Variants in EIF5B observed in about 807,000 individuals in gnomAD.
EIF5B encodes the protein eukaryotic translation initiation factor 5B, also known as eIF-5B.
In EIF5B, 47 loss-of-function variants were observed where a neutral mutation model predicts 147.5. The observed-to-expected ratio is 0.32, with a 90% CI of 0.25 to 0.41. The LOEUF is 0.41. Ranked by LOEUF, EIF5B falls within the 10% of genes least tolerant of loss-of-function variation. The pLI is 1.00. For synonymous variants in EIF5B, 455 were observed against 456.2 expected, an observed-to-expected ratio of 1.00 and a Z score of 0.03; for missense variants, 1,064 against 1,413.2, an observed-to-expected ratio of 0.75 and a Z score of 3.96.
chr2:99,387,237 A>G (rs970879239), intron 14 of EIF5B, among the ~76,000 whole-genome samples: 5 of 152,112 alleles, frequency 3.3e-5, no homozygotes, highest in Non-Finnish European at 5.9e-5. Flanking sequence ...TTTGTGTTCT[A>G]TGTAAGTAAT....
rs1674199927 is a variant in EIF5B, at chr2:99,360,997, CT to C, written c.247-149del. 3.4e-6 allele frequency: 3 copies of C among 874,384 alleles called. No individual in the cohort carries two copies. The South Asian group carries it at 7.9e-5, about 23-fold the overall frequency. The allele number at this position is 874,384 out of a possible 1,614,324, so 54.2% of individuals were successfully genotyped here. On this transcript the variant is annotated intron_variant, in intron 3 of 23. Transcript: ENST00000289371. ...CTGAGGCCAAGGCCAACCTCTCTTGCTTGTTTGAATTTTATATTCCTGTGAA... is the reference window on the plus strand; with the variant it reads ...CTGAGGCCAAGGCCAACCTCTCTTGCTGTTTGAATTTTATATTCCTGTGAA...
intron 14 of EIF5B, among the ~76,000 whole-genome samples, chr2:99,386,495 G>A (rs898429032): frequency 1.8e-4 from 21 of 113,704 alleles, no homozygotes; most frequent in Non-Finnish European, 3.0e-4. Context: ...GTGTGTGTGT[G>A]TGTGTGTGTT....
Position 99,361,088 on chromosome 2 carries a change from A to G in EIF5B, c.247-60A>G. 5 of 1,342,626 alleles carry G rather than the reference A, an allele frequency of 3.7e-6. No individual in the cohort carries two copies. In the East Asian group the frequency reaches 1.3e-4, roughly 34 times the overall value. 83.2% of individuals were successfully genotyped at this position (1,342,626 alleles called of 1,614,324 possible). A position where few individuals can be genotyped will look rare whatever the true frequency, so the allele number is the denominator to read the frequency against. The stretch of plus-strand genomic sequence containing the variant: ...TTAAAAAATGTTTACTTAATGAAGC[A>G]CATGACTCTGGTCTCAATTATAATT... On this transcript the variant is annotated intron_variant, in intron 3 of 23. Transcript: ENST00000289371.
chr2:99,383,600 C>G (rs1026164031), intron 14 of EIF5B, among the ~76,000 whole-genome samples: 3 of 152,120 alleles, frequency 2.0e-5, no homozygotes, highest in Non-Finnish European at 4.4e-5. Flanking sequence ...AAGTTTGAAA[C>G]CAGTAGAGGT....
At chr2:99,385,477 C>A (rs929778428) in intron 14 of EIF5B, among the ~76,000 whole-genome samples, 1 of 152,184 alleles carries the variant, frequency 6.6e-6, no homozygotes, top group Admixed American at 6.5e-5. Flanking sequence ...CCATCAACAT[C>A]GAGGCAAGAC....
intron 21 of EIF5B, among the ~76,000 whole-genome samples, chr2:99,395,209 A>T (rs116321399): frequency 0.013 from 1,961 of 152,332 alleles, 43 homozygotes; most frequent in African/African-American, 0.045. Flanking sequence ...GAGTGAGGAA[A>T]ACCGGGAAAT....
chr2:99,387,458 A>G lies in EIF5B; in HGVS notation c.2272-2260A>G, dbSNP rs185388408. On this transcript the variant is annotated intron_variant, in intron 14 of 23. Transcript: ENST00000289371. ...TGGAATTAGTTTGGAATCTTTGTCAATAATTAATTGACCATATATGTCTGT... is the reference window on the plus strand; with the variant it reads ...TGGAATTAGTTTGGAATCTTTGTCAGTAATTAATTGACCATATATGTCTGT... 7.7e-4 allele frequency among the ~76,000 whole-genome samples: 118 copies of G among 152,304 alleles called. 1 individual carries two copies. The highest frequency in any genetic ancestry group is 4.1e-3 in the Admixed American group (63 of 15,306).
At chr2:99,371,753 C>A (rs1674456222) in intron 9 of EIF5B, 23 bp downstream of exon 9, 2 of 1,587,794 alleles carry the variant, frequency 1.3e-6, no homozygotes, top group African/African-American at 2.7e-5. Context: ...TAAGCACACA[C>A]TGATACATCC....
intron 9 of EIF5B, 124 bp from the exon 10 acceptor site, chr2:99,376,223 A>G: frequency 3.3e-6 from 2 of 597,232 alleles, no homozygotes; most frequent in South Asian, 2.9e-5. Context: ...GCCCAAGACA[A>G]TTCTTCTTGT....
At chr2:99,341,083 G>C (rs899660883) in intron 1 of EIF5B, among the ~76,000 whole-genome samples, 2 of 152,200 alleles carry the variant, frequency 1.3e-5, no homozygotes, top group African/African-American at 4.8e-5. Context: ...GTAATTCTAA[G>C]AATGAGATTT....
At position 99,394,731 on chromosome 2, in the gene EIF5B, T is replaced by A. The variant is rs1559261494; in HGVS notation, c.3102T>A (p.Ile1034=). 4 of 1,611,700 alleles carry A rather than the reference T, an allele frequency of 2.5e-6. No individual in the cohort carries two copies. The highest frequency in any genetic ancestry group is 2.5e-6 in the Non-Finnish European group (3 of 1,179,396). ...MLEHDPQYAV[I]LAFDVRIERD... ...TTTAACCTTTTAGGTATGCAGTAAT[T>A]TTGGCCTTCGATGTGAGAATTGAAC... The change falls in exon 21 of 24, where the codon ATT becomes ATA. Residue 1034 remains isoleucine, a synonymous_variant. Coordinates refer to ENST00000289371, the MANE Select transcript of EIF5B (RefSeq NM_015904.4).
At chr2:99,369,948 T>C (rs1474597484) in intron 8 of EIF5B, among the ~76,000 whole-genome samples, 1 of 151,920 alleles carries the variant, frequency 6.6e-6, no homozygotes, top group African/African-American at 2.4e-5. Context: ...GGTTGCACCA[T>C]TGCACTCCAG....
At position 99,400,617 on chromosome 2, in the gene EIF5B, C is replaced by A. The variant is rs927449670; in HGVS notation, c.*1203C>A. 1 of 152,124 alleles carries A rather than the reference C, an allele frequency of 6.6e-6. No homozygotes were observed. The highest frequency in any genetic ancestry group is 2.4e-5 in the African/African-American group (1 of 41,416). 9.4% of individuals were successfully genotyped at this position (152,124 alleles called of 1,614,324 possible). On this transcript the variant is annotated 3_prime_UTR_variant, in exon 24 of 24. Transcript: ENST00000289371. Reference sequence around the variant, plus strand: ...CAGTAGAAGCAAAAAGACAACACCACCTCTGATCTACGGGACATAATGTTC... The same window carrying A: ...CAGTAGAAGCAAAAAGACAACACCAACTCTGATCTACGGGACATAATGTTC...
At chr2:99,371,059 T>C (rs1674434886) in intron 8 of EIF5B, 1 of 152,236 alleles carries the variant, frequency 6.6e-6, no homozygotes, top group Admixed American at 6.5e-5. Flanking sequence ...TTTCAAGATC[T>C]AAAGAAACAT....
At position 99,378,103 on chromosome 2, in the gene EIF5B, T is replaced by C. The variant is rs186115260; in HGVS notation, c.1843-916T>C. On this transcript the variant is annotated intron_variant, in intron 10 of 23. Coordinates refer to ENST00000289371, the MANE Select transcript of EIF5B (RefSeq NM_015904.4). The stretch of plus-strand genomic sequence containing the variant: ...CTTTGCTAGTGATTAAGTCCTACTT[T>C]GTGCTCATCCCTGGCATCTCACTTT... Among the ~76,000 whole-genome samples the C allele has an allele frequency of 2.3e-3, 347 of 152,334 alleles. 4 individuals carry two copies. Among genetic ancestry groups the C allele is most frequent in the African/African-American group, 8.1e-3 (338 of 41,578 alleles).
chr2:99,364,709 G>C (rs1674291471), intron 6 of EIF5B, among the ~76,000 whole-genome samples: 1 of 152,144 alleles, frequency 6.6e-6, no homozygotes, highest in South Asian at 2.1e-4. Flanking sequence ...GTACCTATCA[G>C]CCAGCTTCAA....
intron 12 of EIF5B, among the ~76,000 whole-genome samples, chr2:99,381,554 A>T (rs867388217): frequency 2.5e-5 from 2 of 79,512 alleles, no homozygotes; most frequent in African/African-American, 5.2e-5. Context: ...TGTGTGTGTG[A>T]AATTAGTTGG....
intron 16 of EIF5B, 31 bp downstream of exon 16, chr2:99,390,432 T>TG: frequency 1.9e-6 from 3 of 1,571,418 alleles, no homozygotes; most frequent in East Asian, 2.2e-5. Context: ...TTATTGTTTT[T>TG]TTTTTTTTTA....
At chr2:99,385,096 G>C (rs989799250) in intron 14 of EIF5B, among the ~76,000 whole-genome samples, 4 of 152,092 alleles carry the variant, frequency 2.6e-5, no homozygotes, top group Non-Finnish European at 4.4e-5. Flanking sequence ...GCCCAGGCTG[G>C]AGTGCAGTGC....
Sources: gnomAD v4.1 joint callset for allele counts (sites outside exome capture counted in the v4.1 genomes callset) on GRCh38, gnomAD v4.1.1 for gene constraint, MANE v1.5 for transcripts, NCBI Gene and HGNC (gene_info 2026-07-23, HGNC 2026-07-21) for gene names.